Variants in MCM9 observed in about 807,000 individuals in gnomAD.
The protein encoded by MCM9 is minichromosome maintenance 9 homologous recombination repair factor, also known as DNA helicase MCM9.
In MCM9, 55 loss-of-function variants were observed where a neutral mutation model predicts 72.8. The ratio of observed to expected loss-of-function variants is 0.76; its 90% CI spans 0.61 to 0.95. MCM9 has a LOEUF of 0.95. MCM9 is among the 40% of genes least tolerant of loss of function. The pLI, the probability that MCM9 is intolerant of heterozygous loss-of-function variation, is 0.00. For synonymous variants in MCM9, 480 were observed against 503.4 expected (o/e 0.95, Z 0.62); for missense variants, 1,279 against 1,377.0 (o/e 0.93, Z 1.13).
rs537674282 is a variant in MCM9 at position 118,824,070 on chromosome 6, T to C, written c.1961+2077A>G. 4.3e-3 allele frequency among the ~76,000 whole-genome samples: 369 copies of C among 85,320 alleles called. 9 individuals are homozygous for C. The East Asian group carries it at 0.057, about 13-fold the overall frequency. 56.0% of individuals were successfully genotyped at this position (85,320 alleles called of 152,430 possible). ...TTTTTTTTTTTTTTTTTTTTTTTTT[T>C]AGACAGAGTCTCTCTCTGTCACCCA... On this transcript the variant is annotated intron_variant, in intron 13 of 13. Transcript: ENST00000619706.
intron 3 of MCM9, among the ~76,000 whole-genome samples, chr6:118,924,541 C>T (rs1027419517): frequency 6.6e-6 from 1 of 152,158 alleles, no homozygotes; most frequent in Non-Finnish European, 1.5e-5. Flanking sequence ...GTAAATCACG[C>T]AGCAGACCGA....
In MCM9 at chr6:118,917,619, C is replaced by T; in HGVS notation, c.846G>A (p.Glu282=). 6.2e-7 allele frequency: 1 copy of T among 1,614,206 alleles called. No homozygotes were observed. The highest frequency in any genetic ancestry group is 8.5e-7 in the Non-Finnish European group (1 of 1,180,026). ...NEQSSGIIMD[E]EVQKEFEDFW... is the part of the protein sequence containing the mutation. ...AATCTTCGAATTCCTTTTGGACCTCCTCATCCATGATGATCCCTGAGGACT... is the reference window on the plus strand; with the variant it reads ...AATCTTCGAATTCCTTTTGGACCTCTTCATCCATGATGATCCCTGAGGACT... Residue 282 remains glutamate, a synonymous_variant, in exon 6 of 14, where the codon GAG becomes GAA. Coordinates refer to ENST00000619706, the MANE Select transcript of MCM9 (RefSeq NM_017696.3).
chr6:118,863,859 CT>C (rs569101543), intron 8 of MCM9, among the ~76,000 whole-genome samples: 3 of 151,864 alleles, frequency 2.0e-5, no homozygotes, highest in Non-Finnish European at 2.9e-5. Flanking sequence ...AAATAAATCC[CT>C]TTTTTTTATA....
chr6:118,920,145 A>G (rs1781315729), intron 5 of MCM9: 1 of 152,214 alleles, frequency 6.6e-6, no homozygotes, highest in Non-Finnish European at 1.5e-5. Flanking sequence ...GTTCAGGCTG[A>G]GCTTATATAA....
chr6:118,885,142 G>A (rs1018099870), intron 8 of MCM9, among the ~76,000 whole-genome samples: 5 of 152,166 alleles, frequency 3.3e-5, no homozygotes, highest in Admixed American at 1.3e-4. Context: ...CTTACAGTGA[G>A]CTGAGATTGC....
At chr6:118,923,135 T>A (rs1299353219) in intron 4 of MCM9, among the ~76,000 whole-genome samples, 1 of 152,050 alleles carries the variant, frequency 6.6e-6, no homozygotes, top group Non-Finnish European at 1.5e-5. Context: ...ATCTCTTAAT[T>A]ATTTTAGGTA....
intron 8 of MCM9, among the ~76,000 whole-genome samples, chr6:118,871,320 C>T (rs1201792429): frequency 6.6e-6 from 1 of 152,148 alleles, no homozygotes; most frequent in Non-Finnish European, 1.5e-5. Context: ...AGGTTGGTTC[C>T]ACATATGCTA....
intron 13 of MCM9, 31 bp downstream of exon 13, chr6:118,826,116 T>C (rs753768236): frequency 4.6e-6 from 7 of 1,534,398 alleles, no homozygotes; most frequent in Middle Eastern, 1.7e-4. Flanking sequence ...GGATTTTCCA[T>C]TGTATGCCTT....
intron 8 of MCM9, among the ~76,000 whole-genome samples, chr6:118,883,323 CAG>C (rs1278139050): frequency 2.0e-5 from 3 of 151,644 alleles, no homozygotes; most frequent in Non-Finnish European, 4.4e-5. Flanking sequence ...AAAAAATGAG[CAG>C]AGTGTCAAAG....
intron 8 of MCM9, among the ~76,000 whole-genome samples, chr6:118,868,874 T>A (rs2114296535): frequency 6.6e-6 from 1 of 152,344 alleles, no homozygotes; most frequent in Middle Eastern, 3.4e-3. Context: ...CTCAAGGATC[T>A]AGAACTAGGA....
At chr6:118,865,366 T>C (rs561828060) in intron 8 of MCM9, among the ~76,000 whole-genome samples, 1 of 152,126 alleles carries the variant, frequency 6.6e-6, no homozygotes, top group Non-Finnish European at 1.5e-5. Flanking sequence ...CCTCCCTAAA[T>C]ATTCCCTCTC....
intron 8 of MCM9, among the ~76,000 whole-genome samples, chr6:118,861,581 A>G (rs1274554522): frequency 3.9e-5 from 6 of 152,310 alleles, no homozygotes; most frequent in African/African-American, 1.4e-4. Context: ...TTCCGCAGGC[A>G]GGTTGTACTG....
intron 8 of MCM9, among the ~76,000 whole-genome samples, chr6:118,896,932 G>A (rs6938025): frequency 0.039 from 5,871 of 152,046 alleles, 249 homozygotes; most frequent in African/African-American, 0.11. Context: ...CCTCAACCTG[G>A]GCTTAAGCAA....
Position 118,931,611 on chromosome 6 carries a change from T to C in MCM9, c.113A>G (p.Tyr38Cys), listed in dbSNP as rs1298848134. The change falls in exon 3 of 14, where the codon TAC becomes TGC. Residue 38 changes from tyrosine to cysteine, a missense_variant. Physicochemically the swap from Tyr to Cys is radical, Grantham distance 194 (BLOSUM62 -2). Transcript: ENST00000619706. ...AGTCATGGCATTAACCACAACTGGG[T>C]AATGAGCATCTTCATCCCTTTCCTT... ...ILKERDEDAH[Y>C]PVVVNAMTLF... The C allele has an allele frequency of 1.2e-6, 2 of 1,614,048 alleles. No homozygotes were observed. Among genetic ancestry groups the C allele is most frequent in the Non-Finnish European group, 1.7e-6 (2 of 1,180,040 alleles).
chr6:118,913,244 A>G (rs1780688887), intron 7 of MCM9, 51 bp downstream of exon 7: 1 of 1,595,864 alleles, frequency 6.3e-7, no homozygotes, highest in South Asian at 1.1e-5. Flanking sequence ...AAAAAGTTCT[A>G]GCTTCCATCC....
At chr6:118,916,552 G>A (rs1286717432) in intron 6 of MCM9, among the ~76,000 whole-genome samples, 5 of 151,058 alleles carry the variant, frequency 3.3e-5, no homozygotes, top group Non-Finnish European at 5.9e-5. Context: ...TCTGCCTCCC[G>A]GGCTCAAGTG....
chr6:118,820,380 C>T (rs1488578601), intron 13 of MCM9, among the ~76,000 whole-genome samples: 3 of 152,112 alleles, frequency 2.0e-5, no homozygotes, highest in Admixed American at 6.6e-5. Flanking sequence ...TCATTATTTA[C>T]CCAGTAGTCA....
At chr6:118,861,187 A>G (rs1776882011) in intron 8 of MCM9, among the ~76,000 whole-genome samples, 1 of 152,204 alleles carries the variant, frequency 6.6e-6, no homozygotes, top group African/African-American at 2.4e-5. Context: ...CAGACGTACC[A>G]TAAGCAGCTT....
At chr6:118,929,919 G>A (rs956754356) in intron 3 of MCM9, among the ~76,000 whole-genome samples, 1 of 152,028 alleles carries the variant, frequency 6.6e-6, no homozygotes, top group East Asian at 1.9e-4. Flanking sequence ...CCTAGCAAGT[G>A]TAACTGCAGA....
Sources: allele counts gnomAD v4.1 joint callset (sites outside exome capture counted in the v4.1 genomes callset), GRCh38; gene constraint gnomAD v4.1.1; transcripts MANE v1.5; gene names NCBI Gene and HGNC (gene_info 2026-07-23, HGNC 2026-07-21).